CNOT2: variants seen among roughly 807,000 people sequenced by gnomAD.
CNOT2 encodes CC chemokine receptor 4-negative regulator of transcription 2.
In CNOT2, 7 loss-of-function variants were observed where a neutral mutation model predicts 72.1. That is an observed-to-expected ratio of 0.10 (90% CI 0.06 to 0.18). The LOEUF is 0.18. CNOT2 is among the 10% of genes least tolerant of loss of function. The pLI is 1.00. For synonymous variants in CNOT2, 196 were observed against 225.6 expected, an observed-to-expected ratio of 0.87 and a Z score of 1.17; for missense variants, 345 against 660.3, an observed-to-expected ratio of 0.52 and a Z score of 5.23.
intron 1 of CNOT2, among the ~76,000 whole-genome samples, chr12:70,275,115 A>G (rs1201475300): frequency 1.3e-5 from 2 of 152,030 alleles, no homozygotes; most frequent in Non-Finnish European, 2.9e-5. Context: ...TTCATTTTTG[A>G]AAGATATTTT....
intron 4 of CNOT2, among the ~76,000 whole-genome samples, chr12:70,320,695 C>T (rs954562599): frequency 1.3e-5 from 2 of 151,664 alleles, no homozygotes; most frequent in Admixed American, 6.6e-5. Flanking sequence ...TTAAAGCTAC[C>T]TTTTATTTCT....
intron 2 of CNOT2, among the ~76,000 whole-genome samples, chr12:70,302,897 C>T (rs545907380): frequency 6.6e-6 from 1 of 152,248 alleles, no homozygotes; most frequent in South Asian, 2.1e-4. Flanking sequence ...AATTTGGGTG[C>T]TCCTGTATTG....
At chr12:70,288,916 T>G (rs1445073330) in intron 2 of CNOT2, among the ~76,000 whole-genome samples, 3 of 152,176 alleles carry the variant, frequency 2.0e-5, no homozygotes, top group Non-Finnish European at 2.9e-5. Context: ...CTGCGTTTTA[T>G]TATCATTCAT....
At chr12:70,279,501 C>T (rs1168309365) in intron 2 of CNOT2, among the ~76,000 whole-genome samples, 1 of 152,128 alleles carries the variant, frequency 6.6e-6, no homozygotes, top group Non-Finnish European at 1.5e-5. Context: ...CTGAGTTGTC[C>T]TCATAGACTT....
At chr12:70,285,506 G>T (rs1230385396) in intron 2 of CNOT2, 1 of 152,034 alleles carries the variant, frequency 6.6e-6, no homozygotes, top group African/African-American at 2.4e-5. Context: ...GTGAGCCACC[G>T]CACCTGGCCG....
chr12:70,328,375 T>G (rs1004466502), intron 4 of CNOT2, among the ~76,000 whole-genome samples: 1 of 151,912 alleles, frequency 6.6e-6, no homozygotes, highest in Admixed American at 6.6e-5. Context: ...TCACTCTATC[T>G]TATCACTTTT....
At position 70,338,743 on chromosome 12, in the gene CNOT2, G is replaced by A. The variant is rs1260169884; in HGVS notation, c.1099G>A (p.Ala367Thr). The A allele has an allele frequency of 1.2e-6, 2 of 1,613,118 alleles. No individual in the cohort carries two copies. The highest frequency in any genetic ancestry group is 2.7e-5 in the African/African-American group (2 of 74,888). ...MIGLLTFIRA[A>T]ETDPGMVHLA... ...TGGCCTGTTAACATTTATCAGGGCA[G>A]CAGAGACAGACCCAGGAATGGTACA... is the stretch of plus-strand genomic sequence containing the variant. The change falls in exon 11 of 16, where the codon GCA (alanine) becomes ACA (threonine). Residue 367 changes from alanine (A) to threonine (T), a missense_variant. Coordinates refer to ENST00000229195, the MANE Select transcript of CNOT2 (RefSeq NM_014515.7).
chr12:70,248,111 T>C (rs1351923605), intron 1 of CNOT2, among the ~76,000 whole-genome samples: 2 of 152,208 alleles, frequency 1.3e-5, no homozygotes, highest in East Asian at 1.9e-4. Flanking sequence ...GTTATGGCTA[T>C]TATGTGAAGG....
intron 3 of CNOT2, among the ~76,000 whole-genome samples, chr12:70,313,091 A>G (rs1245220325): frequency 6.6e-6 from 1 of 152,050 alleles, no homozygotes; most frequent in Non-Finnish European, 1.5e-5. Context: ...AGTCTTTGCT[A>G]ATAGACAAGC....
intron 1 of CNOT2, among the ~76,000 whole-genome samples, chr12:70,254,757 G>A (rs543573683): frequency 8.6e-5 from 13 of 151,970 alleles, no homozygotes; most frequent in Non-Finnish European, 1.8e-4. Flanking sequence ...CGAGGCGGGT[G>A]GATTGTAAGT....
chr12:70,250,119 C>T (rs1958068324), intron 1 of CNOT2, among the ~76,000 whole-genome samples: 3 of 152,088 alleles, frequency 2.0e-5, no homozygotes, highest in African/African-American at 7.2e-5. Context: ...GTATATGACT[C>T]ATCCTAAAAT....
intron 1 of CNOT2, among the ~76,000 whole-genome samples, chr12:70,259,925 GT>G (rs1363823460): frequency 6.6e-6 from 1 of 151,878 alleles, no homozygotes; most frequent in Non-Finnish European, 1.5e-5. Context: ...TAAAAAGACT[GT>G]TTTCTCTATT....
intron 3 of CNOT2, among the ~76,000 whole-genome samples, chr12:70,315,084 G>A (rs779081135): frequency 5.3e-5 from 8 of 151,964 alleles, no homozygotes; most frequent in Admixed American, 1.3e-4. Flanking sequence ...GGCCGGTCAC[G>A]AACTCCTGAC....
At chr12:70,271,375 CTTTTTTTTT>C (rs11285130) in intron 1 of CNOT2, among the ~76,000 whole-genome samples, 17 of 89,472 alleles carry the variant, frequency 1.9e-4, no homozygotes, top group African/African-American at 6.8e-4. Flanking sequence ...ATCACATTTC[CTTTTTTTTT>C]TTTTTTTTTT....
intron 11 of CNOT2, among the ~76,000 whole-genome samples, chr12:70,339,217 C>T (rs1230061606): frequency 6.6e-6 from 1 of 151,872 alleles, no homozygotes; most frequent in Non-Finnish European, 1.5e-5. Context: ...TTGACCTAGT[C>T]ATTGTTCGTA....
intron 1 of CNOT2, among the ~76,000 whole-genome samples, chr12:70,264,152 T>G (rs1411583723): frequency 1.3e-5 from 2 of 152,186 alleles, no homozygotes; most frequent in Admixed American, 6.5e-5. Context: ...TTGGCCCCTT[T>G]GTAGGGGCAT....
chr12:70,306,839 T>C lies in CNOT2; in HGVS notation c.49-4056T>C, dbSNP rs1053874056. On this transcript the variant is annotated intron_variant, in intron 2 of 15. Coordinates refer to ENST00000229195, the MANE Select transcript of CNOT2 (RefSeq NM_014515.7). ...ACATTCTGAGAAATGCGTCAGGCAC[T>C]TTTGTGAATGTGGACCATACTTAAA... Among the ~76,000 whole-genome samples, 12 of 152,336 alleles carry C rather than the reference T, an allele frequency of 7.9e-5. 1 individual carries two copies. Among genetic ancestry groups the C allele is most frequent in the South Asian group, 6.2e-4 (3 of 4,826 alleles).
At chr12:70,353,689 G>A in intron 15 of CNOT2, 140 bp from the exon 16 acceptor site, 4 of 1,372,900 alleles carry the variant, frequency 2.9e-6, no homozygotes, top group Admixed American at 2.8e-5. Flanking sequence ...ATTTTATGTA[G>A]AGGAAAAACA....
chr12:70,295,250 C>G lies in CNOT2; in HGVS notation c.49-15645C>G, dbSNP rs936368279. ...ATGGCCCATGGTTGCTAAGTTTCTT[C>G]AGAGAAAGTATGTGAGGGTTAAAAG... On this transcript the variant is annotated intron_variant, in intron 2 of 15. Coordinates refer to ENST00000229195, the MANE Select transcript of CNOT2 (RefSeq NM_014515.7). Among the ~76,000 whole-genome samples the G allele has an allele frequency of 7.2e-5, 11 of 152,104 alleles. 1 individual carries two copies. Among genetic ancestry groups the G allele is most frequent in the African/African-American group, 2.2e-4 (9 of 41,408 alleles).
Sources: allele counts gnomAD v4.1 joint callset (sites outside exome capture counted in the v4.1 genomes callset), GRCh38; gene constraint gnomAD v4.1.1; transcripts MANE v1.5; gene names NCBI Gene and HGNC (gene_info 2026-07-23, HGNC 2026-07-21).